The following TCF3 variants were observed in gnomAD, a reference collection of about 807,000 sequenced individuals.
TCF3 encodes transcription factor E2-alpha.
In TCF3, 54 loss-of-function variants were observed where a neutral mutation model predicts 72.3. The ratio of observed to expected loss-of-function variants is 0.75; its 90% CI spans 0.60 to 0.94. The LOEUF (loss-of-function observed/expected upper bound fraction) is 0.94. Among genes scored for constraint, TCF3 ranks in the 40% least tolerant of loss-of-function variants. The pLI, the probability that TCF3 is intolerant of heterozygous loss-of-function variation, is 0.00. For missense variants in TCF3, 1,078 were observed against 934.4 expected (o/e 1.15, Z -2.00); for synonymous variants, 525 against 412.6 (o/e 1.27, Z -3.30).
In TCF3 at chr19:1,625,485, C is replaced by T. The variant is rs1335250461; in HGVS notation, c.499+91G>A. 7.1e-6 allele frequency: 10 copies of T among 1,410,284 alleles called. No individual in the cohort carries two copies. The South Asian group carries it at 9.3e-5, about 13-fold the overall frequency. 87.4% of individuals were successfully genotyped at this position (1,410,284 alleles called of 1,614,324 possible). A position where few individuals can be genotyped will look rare whatever the true frequency, so the allele number is the denominator to read the frequency against. Reference sequence around the variant, plus strand: ...ACCTGGAAGGTGCGGGGTCTGCTCCCTCTGGTGCCCTCAGCTAACGGGAAG... The same window carrying T: ...ACCTGGAAGGTGCGGGGTCTGCTCCTTCTGGTGCCCTCAGCTAACGGGAAG... On this transcript the variant is annotated intron_variant, in intron 7 of 18. Transcript: ENST00000262965.
chr19:1,650,481 G>C (rs1443489108), intron 1 of TCF3, 194 bp from the exon 2 acceptor site: 1 of 546,384 alleles, frequency 1.8e-6, no homozygotes. Context: ...CCAGAGTCTA[G>C]GTCCCTGCAG....
At chr19:1,627,529 C>T (rs1364457479) in intron 5 of TCF3, 103 bp from the exon 6 acceptor site, 3 of 1,038,854 alleles carry the variant, frequency 2.9e-6, no homozygotes, top group Non-Finnish European at 4.4e-6. Context: ...AGTAAGTGCA[C>T]ACGACTGAGA....
intron 3 of TCF3, among the ~76,000 whole-genome samples, chr19:1,635,466 A>C (rs1009837637): frequency 3.4e-5 from 5 of 147,934 alleles, no homozygotes; most frequent in Admixed American, 6.7e-5. Context: ...TGATCTCACC[A>C]CTCTCCTCTT....
At chr19:1,625,837 T>A (rs1203550216) in intron 6 of TCF3, 129 bp from the exon 7 acceptor site, 2 of 1,185,502 alleles carry the variant, frequency 1.7e-6, no homozygotes, top group Non-Finnish European at 2.2e-6. Context: ...CCCTTCTGCC[T>A]GTCACGGTGT....
chr19:1,611,981 C>T (rs1176287233), intron 18 of TCF3, 132 bp from the exon 19 acceptor site: 9 of 750,954 alleles, frequency 1.2e-5, no homozygotes, highest in South Asian at 5.6e-5. Flanking sequence ...CCTGTATTTC[C>T]GGCTCTCACC....
rs1484784518 is a variant in TCF3 at position 1,622,427 on chromosome 19, T to C, written c.550-12A>G. 1.1e-5 allele frequency: 5 copies of C among 440,390 alleles called. No homozygotes were observed. The highest frequency in any genetic ancestry group is 7.9e-5 in the Admixed American group (2 of 25,226). The allele number at this position is 440,390 out of a possible 1,614,324, so 27.3% of individuals were successfully genotyped here. A position where few individuals can be genotyped will look rare whatever the true frequency, so the allele number is the denominator to read the frequency against. ...CTGGGTGGGTACACCTGCGGGCGGG[T>C]GGGCGGTGGGGGGTGCAGTCAGGAC... On this transcript the variant is annotated splice_polypyrimidine_tract_variant and intron_variant, in intron 8 of 18. Transcript: ENST00000262965.
chr19:1,651,519 TG>T (rs1054647788), intron 1 of TCF3, among the ~76,000 whole-genome samples: 8 of 152,068 alleles, frequency 5.3e-5, no homozygotes, highest in African/African-American at 1.4e-4. Flanking sequence ...CAGACTTAGT[TG>T]GGGGGGTGGC....
At chr19:1,637,207 ACCT>A (rs956215320) in intron 3 of TCF3, among the ~76,000 whole-genome samples, 7 of 140,586 alleles carry the variant, frequency 5.0e-5, no homozygotes, top group African/African-American at 7.9e-5. Flanking sequence ...GCGCCTCGCA[ACCT>A]CCTCCACCAG....
intron 8 of TCF3, among the ~76,000 whole-genome samples, 197 bp from the exon 9 acceptor site, chr19:1,622,612 C>T (rs1398196590): frequency 1.3e-5 from 2 of 152,092 alleles, no homozygotes; most frequent in African/African-American, 4.8e-5. Flanking sequence ...GTCTCTCTCT[C>T]CTACTCCTTT....
chr19:1,623,835 G>T, intron 8 of TCF3, 116 bp downstream of exon 8: 1 of 1,028,340 alleles, frequency 9.7e-7, no homozygotes, highest in Non-Finnish European at 1.4e-6. Flanking sequence ...GAAATCACAG[G>T]GGGCCTGTCC....
intron 2 of TCF3, among the ~76,000 whole-genome samples, chr19:1,647,695 G>C (rs748836580): frequency 5.3e-5 from 8 of 152,228 alleles, no homozygotes; most frequent in Admixed American, 2.6e-4. Context: ...GGCCTGCTGT[G>C]GGGGACAGCC....
chr19:1,632,136 G>T lies in TCF3; in HGVS notation c.220-20C>A, dbSNP rs2063786053. 1 of 1,610,058 alleles carries T rather than the reference G, an allele frequency of 6.2e-7. No individual in the cohort carries two copies. The highest frequency in any genetic ancestry group is 1.1e-5 in the South Asian group (1 of 90,400). ...GAAGGTCTAGGGGAGATGGGGTGGG[G>T]ATGAGAGGTGCTGGGGCTTCACAGG... On this transcript the variant is annotated intron_variant, in intron 4 of 18. Transcript: ENST00000262965.
rs905212039 is a variant in TCF3 at position 1,609,631 on chromosome 19, G to C, written c.*2076C>G. 1 of 223,320 alleles carries C rather than the reference G, an allele frequency of 4.5e-6. No individual in the cohort carries two copies. Among genetic ancestry groups the C allele is most frequent in the Non-Finnish European group, 8.9e-6 (1 of 112,158 alleles). 13.8% of individuals were successfully genotyped at this position (223,320 alleles called of 1,614,324 possible). A position where few individuals can be genotyped will look rare whatever the true frequency, so the allele number is the denominator to read the frequency against. On this transcript the variant is annotated 3_prime_UTR_variant, in exon 19 of 19. Coordinates refer to ENST00000262965, the MANE Select transcript of TCF3 (RefSeq NM_003200.5). ...GCAGGGCCAGGAGCAAAACAAGAGG[G>C]AGAGGCAAGTTCCCTTAAGAGATCA...
At chr19:1,647,221 G>A (rs151130001) in intron 2 of TCF3, among the ~76,000 whole-genome samples, 22 of 152,266 alleles carry the variant, frequency 1.4e-4, no homozygotes, top group African/African-American at 4.1e-4. Context: ...GGGCTCAGCG[G>A]CATTAACCGG....
Position 1,615,499 on chromosome 19 carries a change from G to GTCGTCC in TCF3, c.1602_1607dup (p.Glu534_Asp535dup), listed in dbSNP as rs765808837. 55 of 1,609,560 alleles carry GTCGTCC rather than the reference G, an allele frequency of 3.4e-5. No homozygotes were observed. The highest frequency in any genetic ancestry group is 1.6e-4 in the Middle Eastern group (1 of 6,076). On this transcript the variant is annotated inframe_insertion, in exon 18 of 19. Transcript: ENST00000262965. The surrounding 1 kb of genome is among the most constrained non-coding windows in gnomAD (Gnocchi z 7.3). ...CGGCCTTCTGCTCTGGGGGGAGAAG[G>GTCGTCC]TCGTCCTCGTCCTCGTCTGGGCTAT...
intron 2 of TCF3, among the ~76,000 whole-genome samples, chr19:1,647,574 G>A (rs1244554974): frequency 6.6e-6 from 1 of 152,162 alleles, no homozygotes; most frequent in Non-Finnish European, 1.5e-5. Flanking sequence ...GGTGGCACCC[G>A]CGCTGAAGGC....
chr19:1,612,182 G>A (rs776022731), intron 18 of TCF3: 1 of 1,554,724 alleles, frequency 6.4e-7, no homozygotes, highest in South Asian at 1.2e-5. Context: ...GAGGGTGCTG[G>A]GGCAGCCCTG....
At chr19:1,638,287 G>A (rs144821742) in intron 3 of TCF3, among the ~76,000 whole-genome samples, 65 of 152,322 alleles carry the variant, frequency 4.3e-4, no homozygotes, top group Non-Finnish European at 8.4e-4. Flanking sequence ...ACAGTAAGTA[G>A]CAAAGTCACT....
At chr19:1,624,557 G>A (rs1350367323) in intron 7 of TCF3, among the ~76,000 whole-genome samples, 1 of 152,186 alleles carries the variant, frequency 6.6e-6, no homozygotes, top group African/African-American at 2.4e-5. Flanking sequence ...AAGCCCCTTG[G>A]CCCCACCCTC....
Sources: gnomAD v4.1 joint callset for allele counts (sites outside exome capture counted in the v4.1 genomes callset) on GRCh38, gnomAD v4.1.1 for gene constraint, Gnocchi (gnomAD v3.1) non-coding constraint, MANE v1.5 for transcripts, NCBI Gene and HGNC (gene_info 2026-07-23, HGNC 2026-07-21) for gene names.